KCNQ1: variants seen among roughly 807,000 people sequenced by gnomAD.
KCNQ1 encodes potassium voltage-gated channel subfamily KQT member 1.
In KCNQ1, 49 loss-of-function variants were observed where a neutral mutation model predicts 72.4. That is an observed-to-expected ratio of 0.68 (90% CI 0.54 to 0.86). The LOEUF (loss-of-function observed/expected upper bound fraction) is 0.86, where lower values mean the gene tolerates loss of function less well. Among genes scored for constraint, KCNQ1 ranks in the 40% least tolerant of loss-of-function variants. The probability of loss-of-function intolerance (pLI) is 0.00; values close to 1 mark genes in which losing one functional copy is unlikely to be tolerated. For synonymous variants in KCNQ1, 450 were observed against 412.6 expected (o/e 1.09, Z -1.10); for missense variants, 790 against 945.1 (o/e 0.84, Z 2.15).
chr11:2,782,283 A>C lies in KCNQ1; in HGVS notation c.1794+4246A>C, dbSNP rs921956537. On this transcript the variant is annotated intron_variant, in intron 15 of 15. Transcript: ENST00000155840. The surrounding 1 kb of genome is among the most constrained non-coding windows in gnomAD (Gnocchi z 6.1). Reference sequence around the variant, plus strand: ...TATGCGGTCTCCGGCCTCTCCTCACACCCACCAATCCTTCACATTGTATAT... The same window carrying C: ...TATGCGGTCTCCGGCCTCTCCTCACCCCCACCAATCCTTCACATTGTATAT... Among the ~76,000 whole-genome samples the C allele has an allele frequency of 1.3e-5, 2 of 152,092 alleles. No homozygotes were observed. Among genetic ancestry groups the C allele is most frequent in the African/African-American group, 4.8e-5 (2 of 41,376 alleles).
At chr11:2,556,008 T>A (rs1248204201) in intron 2 of KCNQ1, among the ~76,000 whole-genome samples, 2 of 152,204 alleles carry the variant, frequency 1.3e-5, no homozygotes, top group Non-Finnish European at 2.9e-5. Flanking sequence ...GGGTGCCAGC[T>A]GCAGCCCCCT....
rs559753535 is a variant in KCNQ1 at position 2,827,648 on chromosome 11, G to T, written c.1795-20119G>T. The stretch of plus-strand genomic sequence containing the variant: ...AAAAAAAAAAAGTGGGGTCGGGGGG[G>T]CGGGGGAGAGCGGCTATGGAGACAA... On this transcript the variant is annotated intron_variant, in intron 15 of 15. Transcript: ENST00000155840. The surrounding 1 kb of genome is among the most constrained non-coding windows in gnomAD (Gnocchi z 6.7). 6.6e-6 allele frequency among the ~76,000 whole-genome samples: 1 copy of T among 151,522 alleles called. No homozygotes were observed. The highest frequency in any genetic ancestry group is 2.1e-4 in the South Asian group (1 of 4,792).
chr11:2,648,981 C>CTTTTTTT, intron 10 of KCNQ1: 54 of 213,252 alleles, frequency 2.5e-4, no homozygotes, highest in South Asian at 8.3e-4. Context: ...TTTTCTTTTT[C>CTTTTTTT]TTTTTTTTTT....
Position 2,451,946 on chromosome 11 carries a change from C to T in KCNQ1, c.386+6462C>T, listed in dbSNP as rs548094050. ...GGTGCACTATTCCTGGCCTCAGGCC[C>T]AGTTTGTATCCATGGGCACCCCCAC... is the stretch of plus-strand genomic sequence containing the variant. On this transcript the variant is annotated intron_variant, in intron 1 of 15. Transcript: ENST00000155840. The surrounding 1 kb of genome is among the most constrained non-coding windows in gnomAD (Gnocchi z 6.4). 3.9e-5 allele frequency among the ~76,000 whole-genome samples: 6 copies of T among 152,286 alleles called. No individual in the cohort carries two copies. Among genetic ancestry groups the T allele is most frequent in the African/African-American group, 1.4e-4 (6 of 41,556 alleles).
rs959259455 is a variant in KCNQ1 at position 2,644,270 on chromosome 11, C to G, written c.1394-17691C>G. On this transcript the variant is annotated intron_variant, in intron 10 of 15. Transcript: ENST00000155840. The stretch of plus-strand genomic sequence containing the variant: ...TATAGTCACATAGCCTTTGTTCATT[C>G]TTTTCTATTTTTTCTATATTTTTGT... The G allele has an allele frequency of 7.5e-6, 3 of 398,242 alleles. No individual in the cohort carries two copies. The Admixed American group carries it at 1.3e-4, about 18-fold the overall frequency. 24.7% of individuals were successfully genotyped at this position (398,242 alleles called of 1,614,324 possible).
At chr11:2,512,065 G>A (rs1026645041) in intron 1 of KCNQ1, among the ~76,000 whole-genome samples, 19 of 152,356 alleles carry the variant, frequency 1.2e-4, no homozygotes, top group Admixed American at 3.9e-4. Flanking sequence ...CGGGCTCGGC[G>A]TGCAAGATTT....
chr11:2,618,431 G>T, intron 10 of KCNQ1: 2 of 398,558 alleles, frequency 5.0e-6, no homozygotes, highest in Non-Finnish European at 8.8e-6. Flanking sequence ...ACAGAACTGG[G>T]TTTCCTAACG....
chr11:2,796,262 G>A (rs746485234), intron 15 of KCNQ1, among the ~76,000 whole-genome samples: 11 of 152,200 alleles, frequency 7.2e-5, no homozygotes, highest in Non-Finnish European at 1.0e-4. Context: ...GCCAGGTGAC[G>A]CTGCCCCATG....
chr11:2,768,841 C>A lies in KCNQ1; in HGVS notation c.1515-3C>A. ...ACAATCTCCTCTCCTCTCTCCACTG[C>A]AGGCTGCGGGAACACCATCGGGCCA... On this transcript the variant is annotated splice_polypyrimidine_tract_variant and splice_region_variant and intron_variant, in intron 11 of 15. Coordinates refer to ENST00000155840, the MANE Select transcript of KCNQ1 (RefSeq NM_000218.3). The surrounding 1 kb of genome is among the most constrained non-coding windows in gnomAD (Gnocchi z 6.7). 6.2e-7 allele frequency: 1 copy of A among 1,613,518 alleles called. No homozygotes were observed. Among genetic ancestry groups the A allele is most frequent in the Non-Finnish European group, 8.5e-7 (1 of 1,179,460 alleles).
chr11:2,661,831 T>C lies in KCNQ1; in HGVS notation c.1394-130T>C, dbSNP rs1849961373. 1 of 1,175,528 alleles carries C rather than the reference T, an allele frequency of 8.5e-7. No individual in the cohort carries two copies. The highest frequency in any genetic ancestry group is 1.3e-6 in the Non-Finnish European group (1 of 797,024). The allele number at this position is 1,175,528 out of a possible 1,614,324, so 72.8% of individuals were successfully genotyped here. On this transcript the variant is annotated intron_variant, in intron 10 of 15. Coordinates refer to ENST00000155840, the MANE Select transcript of KCNQ1 (RefSeq NM_000218.3). The surrounding 1 kb of genome is among the most constrained non-coding windows in gnomAD (Gnocchi z 5.9). ...CCCCAACACCCAACTATAAAACTGATTGTCAGGGCTGGAGCTTCCAGGCAC... is the reference window on the plus strand; with the variant it reads ...CCCCAACACCCAACTATAAAACTGACTGTCAGGGCTGGAGCTTCCAGGCAC...
At chr11:2,749,960 CAAA>C (rs71029158) in intron 11 of KCNQ1, among the ~76,000 whole-genome samples, 3 of 144,204 alleles carry the variant, frequency 2.1e-5, no homozygotes. Context: ...ACTCTGTCTC[CAAA>C]AAAAAAAAAA....
In KCNQ1 at chr11:2,711,870, G is replaced by T. The variant is rs1310097158; in HGVS notation, c.1514+49789G>T. 1.3e-5 allele frequency among the ~76,000 whole-genome samples: 2 copies of T among 152,176 alleles called. No individual in the cohort carries two copies. Among genetic ancestry groups the T allele is most frequent in the East Asian group, 3.9e-4 (2 of 5,186 alleles). ...GAGGGTGCCTTTGAGGGGAGGCAGAGTTGGCTCACGGGAAAGGCTGGCCCT... is the reference window on the plus strand; with the variant it reads ...GAGGGTGCCTTTGAGGGGAGGCAGATTTGGCTCACGGGAAAGGCTGGCCCT... On this transcript the variant is annotated intron_variant, in intron 11 of 15. Coordinates refer to ENST00000155840, the MANE Select transcript of KCNQ1 (RefSeq NM_000218.3). This position sits in a 1 kb window ranked among gnomAD's most constrained non-coding sequence, Gnocchi z 5.4.
chr11:2,492,199 G>T lies in KCNQ1; in HGVS notation c.387-35729G>T, dbSNP rs911181354. ...AATAGTATTATAACACTGTAATTAT[G>T]GTGTGTAAACTACTCATATATTAAG... On this transcript the variant is annotated intron_variant, in intron 1 of 15. Transcript: ENST00000155840. The surrounding 1 kb of genome is among the most constrained non-coding windows in gnomAD (Gnocchi z 4.1). Among the ~76,000 whole-genome samples the T allele has an allele frequency of 6.6e-6, 1 of 152,080 alleles. No homozygotes were observed. Among genetic ancestry groups the T allele is most frequent in the African/African-American group, 2.4e-5 (1 of 41,398 alleles).
At chr11:2,640,574 T>C (rs900698454) in intron 10 of KCNQ1, 11 of 398,212 alleles carry the variant, frequency 2.8e-5, no homozygotes, top group African/African-American at 2.3e-4. Context: ...TTTTTTTTTT[T>C]TTTTGACCGA....
In KCNQ1 at chr11:2,494,682, G is replaced by A. The variant is rs1284979484; in HGVS notation, c.387-33246G>A. 6.6e-6 allele frequency among the ~76,000 whole-genome samples: 1 copy of A among 152,216 alleles called. No homozygotes were observed. The highest frequency in any genetic ancestry group is 1.5e-5 in the Non-Finnish European group (1 of 68,040). On this transcript the variant is annotated intron_variant, in intron 1 of 15. Transcript: ENST00000155840. This position sits in a 1 kb window ranked among gnomAD's most constrained non-coding sequence, Gnocchi z 4.6. ...TGTTGAATCAGCCTTGCATCCCAGG[G>A]ATGAAGCCCACTTGATCACCATGGA...
At chr11:2,806,729 C>T (rs1372261618) in intron 15 of KCNQ1, among the ~76,000 whole-genome samples, 2 of 152,220 alleles carry the variant, frequency 1.3e-5, no homozygotes, top group African/African-American at 2.4e-5. Flanking sequence ...GACCACTGCC[C>T]GGGAGTACGT....
chr11:2,684,842 T>A (rs767636121), intron 11 of KCNQ1: 1 of 398,584 alleles, frequency 2.5e-6, no homozygotes, highest in East Asian at 3.6e-5. Context: ...CCTCCTGTTA[T>A]TGGCTTCCTC....
chr11:2,683,635 C>T lies in KCNQ1; in HGVS notation c.1514+21554C>T. 2 of 398,666 alleles carry T rather than the reference C, an allele frequency of 5.0e-6. No homozygotes were observed. Among genetic ancestry groups the T allele is most frequent in the Non-Finnish European group, 8.8e-6 (2 of 226,072 alleles). 24.7% of individuals were successfully genotyped at this position (398,666 alleles called of 1,614,324 possible). A position where few individuals can be genotyped will look rare whatever the true frequency, so the allele number is the denominator to read the frequency against. On this transcript the variant is annotated intron_variant, in intron 11 of 15. Coordinates refer to ENST00000155840, the MANE Select transcript of KCNQ1 (RefSeq NM_000218.3). The surrounding 1 kb of genome is among the most constrained non-coding windows in gnomAD (Gnocchi z 4.7). ...TGCTCTAGACAACTGGGCCCTGCAT[C>T]TGCTGCAAGGAACATCCCTTACTTT...
At chr11:2,586,241 C>G (rs1848590340) in intron 8 of KCNQ1, among the ~76,000 whole-genome samples, 1 of 152,214 alleles carries the variant, frequency 6.6e-6, no homozygotes, top group African/African-American at 2.4e-5. Context: ...GCTGGCGTCC[C>G]CCCTGCAGTC....
Sources: gnomAD v4.1 joint callset for allele counts (sites outside exome capture counted in the v4.1 genomes callset) on GRCh38, gnomAD v4.1.1 for gene constraint, Gnocchi (gnomAD v3.1) non-coding constraint, MANE v1.5 for transcripts, NCBI Gene and HGNC (gene_info 2026-07-23, HGNC 2026-07-21) for gene names.